The following SOD1 variants were observed in gnomAD, a reference collection of about 807,000 sequenced individuals.
SOD1 encodes the protein superoxide dismutase 1.
SOD1 carries 8 observed loss-of-function variants against 15.9 expected under a neutral mutation model. That is an observed-to-expected ratio of 0.50 (90% CI 0.30 to 0.91). The LOEUF (loss-of-function observed/expected upper bound fraction) is 0.91, where lower values mean the gene tolerates loss of function less well. Ranked by LOEUF, SOD1 falls within the 40% of genes least tolerant of loss-of-function variation. The pLI is 0.07. For synonymous variants in SOD1, 86 were observed against 71.2 expected (o/e 1.21, Z -1.04); for missense variants, 137 against 194.5 (o/e 0.70, Z 1.76).
chr21:31,667,452 C>G, intron 4 of SOD1, 77 bp downstream of exon 4: 1 of 1,090,790 alleles, frequency 9.2e-7, no homozygotes, highest in African/African-American at 1.6e-5. Flanking sequence ...GATTGTTAGT[C>G]GCGGTTTCTA....
chr21:31,668,071 G>C (rs2049612756), intron 4 of SOD1, among the ~76,000 whole-genome samples: 1 of 151,970 alleles, frequency 6.6e-6, no homozygotes, highest in African/African-American at 2.4e-5. Flanking sequence ...CATTCATTTG[G>C]CATGAAATTT....
chr21:31,668,891 CTTA>C lies in SOD1; in HGVS notation c.*318_*320del, dbSNP rs2049624979. The C allele has an allele frequency of 9.0e-6, 3 of 331,658 alleles. No individual in the cohort carries two copies. In the South Asian group the frequency reaches 9.4e-5, roughly 10 times the overall value. The allele number at this position is 331,658 out of a possible 1,614,324, so 20.5% of individuals were successfully genotyped here. ...CTGTGAATAAAAACCCTGTATGGCA[CTTA>C]TTATGAGGCTATTAAAAGAATCCAA... On this transcript the variant is annotated 3_prime_UTR_variant, in exon 5 of 5. Coordinates refer to ENST00000270142, the MANE Select transcript of SOD1 (RefSeq NM_000454.5).
intron 3 of SOD1, chr21:31,666,846 C>T (rs1291711040): frequency 9.8e-6 from 4 of 409,084 alleles, no homozygotes; most frequent in Non-Finnish European, 1.8e-5. Context: ...CATTGTGAAA[C>T]ATAGGAAGCT....
chr21:31,663,148 T>C (rs2049563385), intron 1 of SOD1, among the ~76,000 whole-genome samples: 1 of 148,468 alleles, frequency 6.7e-6, no homozygotes, highest in African/African-American at 2.5e-5. Flanking sequence ...TAAAGTCAAG[T>C]GAGTATGCCA....
At chr21:31,666,405 C>G in intron 2 of SOD1, 44 bp from the exon 3 acceptor site, 2 of 1,453,598 alleles carry the variant, frequency 1.4e-6, no homozygotes, top group Non-Finnish European at 1.9e-6. Context: ...TATTTGGGAA[C>G]TTTAATTCAT....
intron 1 of SOD1, among the ~76,000 whole-genome samples, chr21:31,662,529 G>A (rs896086108): frequency 5.9e-5 from 9 of 152,090 alleles, no homozygotes; most frequent in Admixed American, 5.9e-4. Flanking sequence ...TCTGTATGTA[G>A]CCACGGAGCA....
chr21:31,665,108 T>A (rs2049582030), intron 2 of SOD1, among the ~76,000 whole-genome samples: 1 of 152,140 alleles, frequency 6.6e-6, no homozygotes, highest in African/African-American at 2.4e-5. Flanking sequence ...GACCAAAGTA[T>A]GATACAAACT....
At chr21:31,666,298 C>G (rs2049592548) in intron 2 of SOD1, 151 bp from the exon 3 acceptor site, 1 of 669,348 alleles carries the variant, frequency 1.5e-6, no homozygotes, top group South Asian at 1.6e-5. Context: ...GTTCCCTTCT[C>G]ACTGTGGCTG....
At chr21:31,663,105 C>T (rs931845405) in intron 1 of SOD1, among the ~76,000 whole-genome samples, 1 of 147,228 alleles carries the variant, frequency 6.8e-6, no homozygotes, top group African/African-American at 2.5e-5. Flanking sequence ...GCCTGTTGGA[C>T]ATTTCCAGGG....
At chr21:31,664,411 G>C (rs1486846646) in intron 2 of SOD1, 1 of 203,486 alleles carries the variant, frequency 4.9e-6, no homozygotes, top group African/African-American at 2.4e-5. Context: ...AACTGCACTA[G>C]ATTGTGAAGA....
At chr21:31,666,563 G>GAGTT in intron 3 of SOD1, 45 bp downstream of exon 3, 2 of 1,322,384 alleles carry the variant, frequency 1.5e-6, no homozygotes, top group Non-Finnish European at 2.2e-6. Flanking sequence ...TAGCTTTCTG[G>GAGTT]AGTTCATATG....
At position 31,663,848 on chromosome 21, in the gene SOD1, A is replaced by G. The variant is rs121912435; in HGVS notation, c.131A>G (p.His44Arg). 6.2e-7 allele frequency: 1 copy of G among 1,613,714 alleles called. No homozygotes were observed. The highest frequency in any genetic ancestry group is 8.5e-7 in the Non-Finnish European group (1 of 1,179,628). Residue 44 changes from histidine (H) to arginine (R), a missense_variant, in exon 2 of 5, where the codon CAT becomes CGT. Transcript: ENST00000270142. ...ATTAAAGGACTGACTGAAGGCCTGC[A>G]TGGATTCCATGTTCATGAGTTTGGA... is the stretch of plus-strand genomic sequence containing the variant. ...GSIKGLTEGL[H>R]GFHVHEFGDN...
In SOD1 at chr21:31,668,595, A is replaced by G. The variant is rs762799893; in HGVS notation, c.*17A>G. 1.9e-6 allele frequency: 3 copies of G among 1,550,674 alleles called. No individual in the cohort carries two copies. The highest frequency in any genetic ancestry group is 2.7e-6 in the Non-Finnish European group (3 of 1,121,950). On this transcript the variant is annotated 3_prime_UTR_variant, in exon 5 of 5. Transcript: ENST00000270142. ...GCCCAATAAACATTCCCTTGGATGT[A>G]GTCTGAGGCCCCTTAACTCATCTGT...
Position 31,668,359 on chromosome 21 carries a change from A to T in SOD1, c.358-112A>T. On this transcript the variant is annotated intron_variant, in intron 4 of 4. Transcript: ENST00000270142. ...AATATTAGTATATCTCTCTACTAGG[A>T]TTAATGTTATTTTTCTAATATTATG... 7.9e-6 allele frequency: 6 copies of T among 762,638 alleles called. No homozygotes were observed. In the South Asian group the frequency reaches 8.6e-5, roughly 11 times the overall value. The allele number at this position is 762,638 out of a possible 1,614,324, so 47.2% of individuals were successfully genotyped here.
chr21:31,668,368 A>G, intron 4 of SOD1, 103 bp from the exon 5 acceptor site: 1 of 796,724 alleles, frequency 1.3e-6, no homozygotes, highest in East Asian at 2.5e-5. Context: ...GATTAATGTT[A>G]TTTTTCTAAT....
In SOD1 at chr21:31,660,878, A is replaced by G. The variant is rs571355908; in HGVS notation, c.72+1037A>G. Among the ~76,000 whole-genome samples the G allele has an allele frequency of 2.0e-5, 3 of 152,346 alleles. No homozygotes were observed. The South Asian group carries it at 6.2e-4, about 32-fold the overall frequency. The stretch of plus-strand genomic sequence containing the variant: ...AATAACTGTTGTCGGAGCATTTCTT[A>G]AGCCACATTTTCGTAAAGTGGCTTT... On this transcript the variant is annotated intron_variant, in intron 1 of 4. Coordinates refer to ENST00000270142, the MANE Select transcript of SOD1 (RefSeq NM_000454.5).
chr21:31,659,908 G>T (rs2049532959), intron 1 of SOD1, 67 bp downstream of exon 1: 4 of 1,534,672 alleles, frequency 2.6e-6, no homozygotes, highest in Non-Finnish European at 2.7e-6. Flanking sequence ...GCGCACCTTT[G>T]CTAGGAGCGG....
At position 31,659,726 on chromosome 21, in the gene SOD1, GT is replaced by G. The variant is rs1457550323; in HGVS notation, c.-42del. On this transcript the variant is annotated 5_prime_UTR_variant, in exon 1 of 5. Transcript: ENST00000270142. ...GTCTCCTGCAGCGTCTGGGGTTTCCGTTGCAGTCCTCGGAACCAGGACCTCG... is the reference window on the plus strand; with the variant it reads ...GTCTCCTGCAGCGTCTGGGGTTTCCGTGCAGTCCTCGGAACCAGGACCTCG... 6.2e-7 allele frequency: 1 copy of G among 1,607,302 alleles called. No homozygotes were observed. Among genetic ancestry groups the G allele is most frequent in the African/African-American group, 1.3e-5 (1 of 74,800 alleles).
At chr21:31,667,210 T>C (rs372609861) in intron 3 of SOD1, 48 bp from the exon 4 acceptor site, 3 of 1,409,308 alleles carry the variant, frequency 2.1e-6, no homozygotes, top group African/African-American at 2.8e-5. Context: ...ACTACCTTGA[T>C]GTTTAGTGGC....
Sources: allele counts gnomAD v4.1 joint callset (sites outside exome capture counted in the v4.1 genomes callset), GRCh38; gene constraint gnomAD v4.1.1; transcripts MANE v1.5; gene names NCBI Gene and HGNC (gene_info 2026-07-23, HGNC 2026-07-21).